RGS8: variants seen among roughly 807,000 people sequenced by gnomAD.
RGS8 encodes regulator of G-protein signaling 8.
In RGS8, 8 loss-of-function variants were observed where a neutral mutation model predicts 21.7. The ratio of observed to expected loss-of-function variants is 0.37; its 90% confidence interval spans 0.22 to 0.66. The LOEUF (loss-of-function observed/expected upper bound fraction) is 0.66, where lower values mean the gene tolerates loss of function less well. Among genes scored for constraint, RGS8 ranks in the 30% least tolerant of loss-of-function variants. The pLI, the probability that RGS8 is intolerant of heterozygous loss-of-function variation, is 0.59. For missense variants in RGS8, 157 were observed against 217.9 expected (o/e 0.72, Z 1.76); for synonymous variants, 80 against 83.6 (o/e 0.96, Z 0.24).
intron 1 of RGS8, among the ~76,000 whole-genome samples, chr1:182,678,899 G>A (rs958944589): frequency 6.6e-6 from 1 of 152,090 alleles, no homozygotes; most frequent in African/African-American, 2.4e-5. Flanking sequence ...GTCCCATCAA[G>A]ATCATCAAGG....
At chr1:182,733,541 T>C in the RGS8 span, among the ~76,000 whole-genome samples, 1 of 152,168 alleles carries the variant, frequency 6.6e-6, no homozygotes, top group Non-Finnish European at 1.5e-5. Context: ...TAGGCCAGGA[T>C]AGGGCTGGAA....
At chr1:182,727,318 A>G in the RGS8 span, among the ~76,000 whole-genome samples, 2 of 152,240 alleles carry the variant, frequency 1.3e-5, no homozygotes, top group Non-Finnish European at 2.9e-5. Context: ...TGGGAGAATT[A>G]AATGAGTTAA....
chr1:182,680,643 TC>T (rs1553223565), intron 1 of RGS8, among the ~76,000 whole-genome samples: 1 of 151,988 alleles, frequency 6.6e-6, no homozygotes, highest in South Asian at 2.1e-4. Flanking sequence ...CATTCATTCA[TC>T]TGACTAACAT....
the RGS8 span, among the ~76,000 whole-genome samples, chr1:182,743,139 G>T: frequency 6.6e-6 from 1 of 152,092 alleles, no homozygotes; most frequent in Non-Finnish European, 1.5e-5. Flanking sequence ...AAGCAATATG[G>T]CCATGTGAGT....
rs147004616 is a variant in RGS8, at chr1:182,667,419, A to G, written c.27-446T>C. Among the ~76,000 whole-genome samples, 117 of 152,336 alleles carry G rather than the reference A, an allele frequency of 7.7e-4. 1 individual carries two copies. Among genetic ancestry groups the G allele is most frequent in the African/African-American group, 2.6e-3 (108 of 41,580 alleles). ...GAGCAGAGGGATGTTTGCAGGGTGCAGGGTGCATATCAGAGTCTTAAGCAC... is the reference window on the plus strand; with the variant it reads ...GAGCAGAGGGATGTTTGCAGGGTGCGGGGTGCATATCAGAGTCTTAAGCAC... On this transcript the variant is annotated intron_variant, in intron 3 of 6. Coordinates refer to ENST00000483095, the Ensembl canonical transcript of RGS8.
At chr1:182,698,515 T>G in the RGS8 span, among the ~76,000 whole-genome samples, 1 of 152,200 alleles carries the variant, frequency 6.6e-6, no homozygotes, top group African/African-American at 2.4e-5. Flanking sequence ...GCCTCCTACT[T>G]GAAATTCCCT....
upstream of RGS8, chr1:182,672,756 G>C: frequency 6.3e-7 from 1 of 1,590,038 alleles, no homozygotes; most frequent in South Asian, 1.1e-5. Context: ...TGTTCTGCCC[G>C]ATCTGCACAT....
At chr1:182,668,910 C>A (rs1664013206) in intron 3 of RGS8, among the ~76,000 whole-genome samples, 1 of 152,182 alleles carries the variant, frequency 6.6e-6, no homozygotes, top group African/African-American at 2.4e-5. Context: ...GACCAAAGCC[C>A]AACTTTCAGT....
upstream of RGS8, among the ~76,000 whole-genome samples, chr1:182,688,336 C>T (rs1664749870): frequency 6.6e-6 from 1 of 151,908 alleles, no homozygotes; most frequent in Admixed American, 6.6e-5. Flanking sequence ...ATAGTACACA[C>T]ACACACTTTC....
At chr1:182,688,482 G>A (rs796411033), upstream of RGS8, among the ~76,000 whole-genome samples, 28 of 152,306 alleles carry the variant, frequency 1.8e-4, no homozygotes, top group African/African-American at 6.5e-4. Context: ...TATATGTGAT[G>A]GCCCCAGAAA....
intron 5 of RGS8, among the ~76,000 whole-genome samples, chr1:182,662,148 A>G (rs1019698621): frequency 6.6e-6 from 1 of 152,186 alleles, no homozygotes; most frequent in African/African-American, 2.4e-5. Context: ...TTTAAATTCT[A>G]AGGTTTAAAA....
At chr1:182,654,093 A>G (rs1341511648) in intron 5 of RGS8, among the ~76,000 whole-genome samples, 1 of 152,358 alleles carries the variant, frequency 6.6e-6, no homozygotes, top group East Asian at 1.9e-4. Flanking sequence ...CATAGATAAT[A>G]TCACTCCACT....
the RGS8 span, among the ~76,000 whole-genome samples, chr1:182,705,395 G>A: frequency 6.6e-6 from 1 of 152,204 alleles, no homozygotes; most frequent in East Asian, 1.9e-4. Flanking sequence ...ATGGGAGAGA[G>A]AAATCTTTAT....
chr1:182,671,450 A>G (rs1452325720), intron 2 of RGS8, among the ~76,000 whole-genome samples: 1 of 152,224 alleles, frequency 6.6e-6, no homozygotes. Flanking sequence ...ACAGGATGAG[A>G]CATAATGGGA....
the RGS8 span, among the ~76,000 whole-genome samples, chr1:182,746,217 C>T: frequency 6.6e-6 from 1 of 152,182 alleles, no homozygotes; most frequent in Non-Finnish European, 1.5e-5. Context: ...CAATCCGCTG[C>T]TATCCTTCAG....
At chr1:182,746,757 C>T in the RGS8 span, among the ~76,000 whole-genome samples, 16 of 152,134 alleles carry the variant, frequency 1.1e-4, no homozygotes, top group African/African-American at 3.4e-4. Context: ...AATTTCCCAA[C>T]TTAGGACATC....
chr1:182,740,573 T>TAA, the RGS8 span, among the ~76,000 whole-genome samples: 21 of 87,306 alleles, frequency 2.4e-4, no homozygotes, highest in Admixed American at 1.2e-3. Context: ...TTTTTTTTTT[T>TAA]ATTGATCATT....
chr1:182,745,848 T>C, the RGS8 span, among the ~76,000 whole-genome samples: 1 of 152,200 alleles, frequency 6.6e-6, no homozygotes, highest in Admixed American at 6.5e-5. Flanking sequence ...CATCACTTTC[T>C]CCCTATCCTG....
intron 5 of RGS8, among the ~76,000 whole-genome samples, chr1:182,650,277 G>A (rs542518612): frequency 6.6e-5 from 10 of 152,210 alleles, no homozygotes; most frequent in South Asian, 6.2e-4. Context: ...CACCAGGACC[G>A]TGCACTGGCC....
Sources: allele counts gnomAD v4.1 joint callset (sites outside exome capture counted in the v4.1 genomes callset), GRCh38; gene constraint gnomAD v4.1.1; transcripts MANE v1.5; gene names NCBI Gene and HGNC (gene_info 2026-07-23, HGNC 2026-07-21).